The following CFAP20DC variants were observed in gnomAD, a reference collection of about 807,000 sequenced individuals.
CFAP20DC encodes protein CFAP20DC.
In CFAP20DC, 84 loss-of-function variants were observed where a neutral mutation model predicts 101.7. That is an observed-to-expected ratio of 0.83 (90% CI 0.69 to 0.99). The LOEUF (loss-of-function observed/expected upper bound fraction) is 0.99. Ranked by LOEUF, CFAP20DC falls within the 50% of genes least tolerant of loss-of-function variation. The probability of loss-of-function intolerance (pLI) is 0.00; values close to 1 mark genes in which losing one functional copy is unlikely to be tolerated. For missense variants in CFAP20DC, 1,007 were observed against 970.3 expected (o/e 1.04, Z -0.50); for synonymous variants, 359 against 351.2 (o/e 1.02, Z -0.25).
At chr3:58,922,649 T>G (rs1416796881) in intron 5 of CFAP20DC, among the ~76,000 whole-genome samples, 1 of 152,180 alleles carries the variant, frequency 6.6e-6, no homozygotes, top group Non-Finnish European at 1.5e-5. Flanking sequence ...GTGGATGCAG[T>G]CCGAGGCTCT....
chr3:58,967,156 G>T lies in CFAP20DC; in HGVS notation c.279-29394C>A, dbSNP rs13320734. ...CAGTGTGGTATCAGCATAATGACAG[G>T]CATATAAATCAGTGGAAAAAAATTG... On this transcript the variant is annotated intron_variant, in intron 4 of 16. Transcript: ENST00000482387. Among the ~76,000 whole-genome samples, 1,450 of 152,198 alleles carry T rather than the reference G, an allele frequency of 9.5e-3. 25 individuals are homozygous for T. Among genetic ancestry groups the T allele is most frequent in the African/African-American group, 0.033 (1,364 of 41,518 alleles).
intron 4 of CFAP20DC, among the ~76,000 whole-genome samples, chr3:59,004,698 G>GT (rs1283043314): frequency 6.6e-6 from 1 of 152,148 alleles, no homozygotes; most frequent in Admixed American, 6.5e-5. Flanking sequence ...TTTCTACTTG[G>GT]TAACAGTCAG....
intron 15 of CFAP20DC, among the ~76,000 whole-genome samples, chr3:58,796,392 G>C (rs1008797081): frequency 6.6e-6 from 1 of 152,180 alleles, no homozygotes. Context: ...TTTGCTACTA[G>C]GGGTGCCCTT....
At chr3:58,990,204 T>G (rs2092894103) in intron 4 of CFAP20DC, among the ~76,000 whole-genome samples, 1 of 152,198 alleles carries the variant, frequency 6.6e-6, no homozygotes. Flanking sequence ...ACAGAAATAC[T>G]GGCATAGTAA....
intron 4 of CFAP20DC, among the ~76,000 whole-genome samples, chr3:58,978,477 G>T (rs2092377042): frequency 6.6e-6 from 1 of 152,072 alleles, no homozygotes; most frequent in Non-Finnish European, 1.5e-5. Flanking sequence ...GGGAGGCCGA[G>T]TTGGGCAGAT....
intron 4 of CFAP20DC, among the ~76,000 whole-genome samples, chr3:58,997,772 CAT>C (rs1328912488): frequency 3.3e-5 from 5 of 152,172 alleles, no homozygotes; most frequent in East Asian, 1.9e-4. Context: ...TAAATGCCCA[CAT>C]GTCTTATTCT....
chr3:58,847,986 G>A (rs1199835093), intron 13 of CFAP20DC, among the ~76,000 whole-genome samples: 34 of 117,790 alleles, frequency 2.9e-4, no homozygotes, highest in Non-Finnish European at 3.9e-4. Flanking sequence ...ATGGACACAG[G>A]AAGGGGAATA....
rs1447234624 is a variant in CFAP20DC at position 58,869,880 on chromosome 3, C to A, written c.852+293G>T. ...TATGATCCAACTCCTCTGAAAGAGA[C>A]AGCAAAATGTGCTCACTTATATTTG... On this transcript the variant is annotated intron_variant, in intron 8 of 16. Transcript: ENST00000482387. The surrounding 1 kb of genome is among the most constrained non-coding windows in gnomAD (Gnocchi z 4.3). Among the ~76,000 whole-genome samples the A allele has an allele frequency of 6.6e-6, 1 of 152,164 alleles. No homozygotes were observed. The highest frequency in any genetic ancestry group is 1.5e-5 in the Non-Finnish European group (1 of 68,028).
At chr3:58,808,803 C>T (rs2074346578) in intron 14 of CFAP20DC, among the ~76,000 whole-genome samples, 1 of 152,164 alleles carries the variant, frequency 6.6e-6, no homozygotes, top group South Asian at 2.1e-4. Flanking sequence ...CATCAGTGTG[C>T]TGTATTCAGG....
At chr3:58,790,456 C>G (rs1174970152) in intron 15 of CFAP20DC, among the ~76,000 whole-genome samples, 1 of 152,144 alleles carries the variant, frequency 6.6e-6, no homozygotes, top group African/African-American at 2.4e-5. Context: ...TGCCATGTCC[C>G]CTATCATGTA....
rs1265057867 is a variant in CFAP20DC at position 58,744,739 on chromosome 3, A to G, written c.2333-2167T>C. Among the ~76,000 whole-genome samples, 5 of 152,166 alleles carry G rather than the reference A, an allele frequency of 3.3e-5. No homozygotes were observed. The East Asian group carries it at 7.7e-4, about 23-fold the overall frequency. On this transcript the variant is annotated intron_variant, in intron 16 of 16. Coordinates refer to ENST00000482387, the MANE Select transcript of CFAP20DC (RefSeq NM_001394063.1). ...TCCAGGAGGAAGCCATAGGATCAAC[A>G]GGTGGAAGCTAAGAGGAGCCATTTT...
chr3:58,821,312 A>G (rs909510457), intron 14 of CFAP20DC, among the ~76,000 whole-genome samples: 2 of 152,200 alleles, frequency 1.3e-5, no homozygotes, highest in African/African-American at 4.8e-5. Flanking sequence ...GTTAAACTAA[A>G]GAGCTTCTGC....
Position 58,721,660 on chromosome 3 carries a change from G to T in CFAP20DC, c.198-4032C>A, listed in dbSNP as rs1212700257. On this transcript the variant is annotated intron_variant, in intron 3 of 3. Transcript: ENST00000486145. This position sits in a 1 kb window ranked among gnomAD's most constrained non-coding sequence, Gnocchi z 5.2. The stretch of plus-strand genomic sequence containing the variant: ...AGAGCCATGTGGTCCAGACAAATCT[G>T]GAGGGAGGGGGAGGACTGTATCCCA... Among the ~76,000 whole-genome samples the T allele has an allele frequency of 3.3e-5, 5 of 152,182 alleles. No individual in the cohort carries two copies. The highest frequency in any genetic ancestry group is 4.8e-5 in the African/African-American group (2 of 41,438).
chr3:58,952,725 A>G (rs1020818735), intron 4 of CFAP20DC, among the ~76,000 whole-genome samples: 1 of 151,536 alleles, frequency 6.6e-6, no homozygotes, highest in Non-Finnish European at 1.5e-5. Context: ...TTATATATAA[A>G]CTCTTCTACT....
rs1308506333 is a variant in CFAP20DC, at chr3:58,729,581, T to A, written c.198-11953A>T. ...TGGGTTTTCTATGAATGCAATAATG[T>A]CATCTGCAAATAATGACAGTGTTGT... On this transcript the variant is annotated intron_variant, in intron 3 of 3. Coordinates refer to the CFAP20DC transcript ENST00000486145. This position sits in a 1 kb window ranked among gnomAD's most constrained non-coding sequence, Gnocchi z 4.4. Among the ~76,000 whole-genome samples the A allele has an allele frequency of 1.2e-4, 19 of 152,254 alleles. No individual in the cohort carries two copies. The highest frequency in any genetic ancestry group is 1.6e-4 in the Non-Finnish European group (11 of 68,038).
At chr3:58,719,937 G>A (rs762999042) in intron 3 of CFAP20DC, among the ~76,000 whole-genome samples, 19 of 152,338 alleles carry the variant, frequency 1.2e-4, no homozygotes, top group East Asian at 7.7e-4. Flanking sequence ...CCAGGCCTTC[G>A]TACTGGCTGT....
intron 6 of CFAP20DC, among the ~76,000 whole-genome samples, chr3:58,905,746 A>G (rs973288705): frequency 9.9e-5 from 15 of 152,228 alleles, no homozygotes; most frequent in African/African-American, 3.4e-4. Context: ...GAATTTAAGA[A>G]ATAGGTTAAA....
intron 4 of CFAP20DC, among the ~76,000 whole-genome samples, chr3:59,034,665 C>G (rs1160959840): frequency 6.6e-6 from 1 of 152,144 alleles, no homozygotes; most frequent in Admixed American, 6.5e-5. Context: ...TATATATACA[C>G]CCAATACAGG....
chr3:58,946,088 T>C (rs980033824), intron 4 of CFAP20DC, among the ~76,000 whole-genome samples: 9 of 151,710 alleles, frequency 5.9e-5, no homozygotes. Context: ...AAATGGCCTC[T>C]TTTACTGGTT....
Sources: gnomAD v4.1 joint callset for allele counts (sites outside exome capture counted in the v4.1 genomes callset) on GRCh38, gnomAD v4.1.1 for gene constraint, Gnocchi (gnomAD v3.1) non-coding constraint, MANE v1.5 for transcripts, NCBI Gene and HGNC (gene_info 2026-07-23, HGNC 2026-07-21) for gene names.